MYO16: variants seen among roughly 807,000 people sequenced by gnomAD.
MYO16 encodes myosin XVI.
Under a neutral mutation model 205.3 loss-of-function variants are expected in MYO16, and 94 were observed. That is an observed-to-expected ratio of 0.46 (90% CI 0.39 to 0.54). The LOEUF (loss-of-function observed/expected upper bound fraction) is 0.54, where lower values mean the gene tolerates loss of function less well. MYO16 is among the 20% of genes least tolerant of loss of function. MYO16 has a pLI of 0.00. For synonymous variants in MYO16, 988 were observed against 954.0 expected (o/e 1.04, Z -0.66); for missense variants, 2,315 against 2,387.5 (o/e 0.97, Z 0.63).
At chr13:108,579,856 T>C in the MYO16 span, among the ~76,000 whole-genome samples, 1 of 152,206 alleles carries the variant, frequency 6.6e-6, no homozygotes, top group East Asian at 1.9e-4. Context: ...AATTAATGCA[T>C]ATAGCTGGCC....
At chr13:108,796,339 C>T (rs1594300758) in intron 6 of MYO16, among the ~76,000 whole-genome samples, 1 of 152,160 alleles carries the variant, frequency 6.6e-6, no homozygotes, top group Non-Finnish European at 1.5e-5. Flanking sequence ...CTAGTTCAAC[C>T]ATTGTGGAAG....
At chr13:109,071,097 C>G (rs535101356) in intron 27 of MYO16, among the ~76,000 whole-genome samples, 4 of 152,204 alleles carry the variant, frequency 2.6e-5, no homozygotes, top group African/African-American at 9.6e-5. Flanking sequence ...TTATCAGAAT[C>G]TATTCTGGAA....
At chr13:108,707,080 T>C (rs968485611) in intron 2 of MYO16, among the ~76,000 whole-genome samples, 6 of 152,196 alleles carry the variant, frequency 3.9e-5, no homozygotes, top group Non-Finnish European at 8.8e-5. Flanking sequence ...CTGAATCAAA[T>C]CAGAAGCAAT....
chr13:108,756,805 T>C (rs1489831578), intron 4 of MYO16, among the ~76,000 whole-genome samples: 1 of 152,146 alleles, frequency 6.6e-6, no homozygotes, highest in Non-Finnish European at 1.5e-5. Context: ...AGAAACAATG[T>C]TTTACCAACT....
In MYO16 at chr13:109,055,252, C is replaced by T. The variant is rs1594506923; in HGVS notation, c.3129+126C>T. 3 of 731,406 alleles carry T rather than the reference C, an allele frequency of 4.1e-6. No individual in the cohort carries two copies. Among genetic ancestry groups the T allele is most frequent in the Admixed American group, 3.3e-5 (1 of 30,248 alleles). 45.3% of individuals were successfully genotyped at this position (731,406 alleles called of 1,614,324 possible). On this transcript the variant is annotated intron_variant, in intron 26 of 34. Coordinates refer to ENST00000457511, the MANE Select transcript of MYO16 (RefSeq NM_001198950.3). The surrounding 1 kb of genome is among the most constrained non-coding windows in gnomAD (Gnocchi z 5.0). Reference sequence around the variant, plus strand: ...TTCACAAAAAAAGTAAACATACACACACACACACACACACACACACACAGA... The same window carrying T: ...TTCACAAAAAAAGTAAACATACACATACACACACACACACACACACACAGA...
intron 27 of MYO16, among the ~76,000 whole-genome samples, chr13:109,072,574 AACACACAC>A (rs66755145): frequency 4.0e-4 from 60 of 149,192 alleles, no homozygotes; most frequent in African/African-American, 1.0e-3. Context: ...TGTGGCATTA[AACACACAC>A]ACACACACAC....
At chr13:109,028,375 A>C (rs1357688324) in intron 23 of MYO16, 1 of 304,518 alleles carries the variant, frequency 3.3e-6, no homozygotes, top group African/African-American at 2.2e-5. Flanking sequence ...AAAATGTTTT[A>C]GTTTATGTTA....
intron 1 of MYO16, among the ~76,000 whole-genome samples, chr13:108,665,397 C>T (rs2139431930): frequency 6.6e-6 from 1 of 152,188 alleles, no homozygotes; most frequent in African/African-American, 2.4e-5. Flanking sequence ...CAGGCTTCAG[C>T]CATTATACTT....
At chr13:108,552,828 T>C in the MYO16 span, among the ~76,000 whole-genome samples, 1 of 151,898 alleles carries the variant, frequency 6.6e-6, no homozygotes, top group Non-Finnish European at 1.5e-5. Context: ...GTCAAGGTGA[T>C]GCATCTGTGG....
intron 13 of MYO16, chr13:108,886,592 A>AC (rs949887984): frequency 1.2e-5 from 5 of 426,350 alleles, no homozygotes; most frequent in South Asian, 1.7e-5. Context: ...TGGCGGCTCC[A>AC]CCCCCCGTCC....
chr13:109,057,034 G>T (rs1887438225), intron 27 of MYO16, among the ~76,000 whole-genome samples: 1 of 152,106 alleles, frequency 6.6e-6, no homozygotes, highest in Non-Finnish European at 1.5e-5. Context: ...TTTTGAGGAA[G>T]CTGTGAAACA....
At chr13:108,666,182 A>G (rs1325374949) in intron 2 of MYO16, 33 bp downstream of exon 2, 2 of 1,556,018 alleles carry the variant, frequency 1.3e-6, no homozygotes, top group Admixed American at 1.9e-5. Context: ...CCGTTTTCTG[A>G]TGTGATTTTT....
chr13:108,538,831 T>G, the MYO16 span, among the ~76,000 whole-genome samples: 3 of 152,070 alleles, frequency 2.0e-5, no homozygotes, highest in Non-Finnish European at 4.4e-5. Flanking sequence ...TAAAGTTAGT[T>G]TTTGTACCAT....
intron 2 of MYO16, among the ~76,000 whole-genome samples, chr13:108,673,562 T>A (rs1357276137): frequency 6.6e-6 from 1 of 152,060 alleles, no homozygotes; most frequent in East Asian, 1.9e-4. Context: ...AATATCAAAA[T>A]GTAACACTGG....
At chr13:109,083,517 G>A (rs1888346073) in intron 27 of MYO16, among the ~76,000 whole-genome samples, 2 of 150,214 alleles carry the variant, frequency 1.3e-5, no homozygotes, top group Admixed American at 1.3e-4. Context: ...CTGGGTAGAA[G>A]AAAGATGATA....
At chr13:108,890,836 G>A (rs1880137551) in intron 14 of MYO16, among the ~76,000 whole-genome samples, 1 of 152,184 alleles carries the variant, frequency 6.6e-6, no homozygotes, top group Non-Finnish European at 1.5e-5. Flanking sequence ...TACATTTGTT[G>A]TGGTTTTTAT....
chr13:108,543,599 G>T, the MYO16 span, among the ~76,000 whole-genome samples: 28 of 144,354 alleles, frequency 1.9e-4, no homozygotes, highest in East Asian at 3.8e-3. Context: ...CCGAGATTGT[G>T]CCACTGCACT....
At chr13:108,625,528 G>T (rs540590348), upstream of MYO16, among the ~76,000 whole-genome samples, 1 of 152,242 alleles carries the variant, frequency 6.6e-6, no homozygotes, top group Admixed American at 6.5e-5. Context: ...CCCAGGAGAG[G>T]TCTTGACTCC....
intron 3 of MYO16, among the ~76,000 whole-genome samples, chr13:108,725,048 A>C (rs139794807): frequency 2.5e-3 from 375 of 152,000 alleles, no homozygotes; most frequent in African/African-American, 8.7e-3. Flanking sequence ...GCTGCTTTGG[A>C]TTTCATTCAT....
Sources: allele counts gnomAD v4.1 joint callset (sites outside exome capture counted in the v4.1 genomes callset), GRCh38; gene constraint gnomAD v4.1.1; non-coding constraint Gnocchi (gnomAD v3.1); transcripts MANE v1.5; gene names NCBI Gene and HGNC (gene_info 2026-07-23, HGNC 2026-07-21).